Variants in FHAD1 observed in about 807,000 individuals in gnomAD.
FHAD1 encodes the protein forkhead associated phosphopeptide binding domain 1, also known as forkhead-associated domain-containing protein 1.
A neutral mutation model predicts 191.3 loss-of-function variants in FHAD1; 146 were observed. That is an observed-to-expected ratio of 0.76 (90% CI 0.67 to 0.88). The LOEUF is 0.88. Among genes scored for constraint, FHAD1 ranks in the 40% least tolerant of loss-of-function variants. The pLI is 0.00. For missense variants in FHAD1, 1,635 were observed against 1,785.8 expected (o/e 0.92, Z 1.52); for synonymous variants, 616 against 672.3 (o/e 0.92, Z 1.29).
chr1:15,390,996 G>A (rs1325725091), intron 32 of FHAD1, among the ~76,000 whole-genome samples: 1 of 152,074 alleles, frequency 6.6e-6, no homozygotes, highest in African/African-American at 2.4e-5. Flanking sequence ...AGCAAGATGG[G>A]GCACTGTGGC....
chr1:15,378,652 C>G (rs1186966517), intron 28 of FHAD1, among the ~76,000 whole-genome samples: 1 of 152,250 alleles, frequency 6.6e-6, no homozygotes, highest in Non-Finnish European at 1.5e-5. Flanking sequence ...ATTCTCATCT[C>G]ATAGATAGAT....
chr1:15,368,601 T>C (rs1570338942), intron 25 of FHAD1, among the ~76,000 whole-genome samples: 1 of 152,164 alleles, frequency 6.6e-6, no homozygotes, highest in Non-Finnish European at 1.5e-5. Flanking sequence ...CAGATTCACA[T>C]AGTGGCTAAA....
At chr1:15,268,166 C>A (rs1654383419) in intron 2 of FHAD1, among the ~76,000 whole-genome samples, 1 of 128,428 alleles carries the variant, frequency 7.8e-6, no homozygotes, top group African/African-American at 2.9e-5. Context: ...CCACAACAGT[C>A]CCCAGAGTGT....
At chr1:15,266,750 G>GC (rs1426892366) in intron 2 of FHAD1, among the ~76,000 whole-genome samples, 1 of 152,004 alleles carries the variant, frequency 6.6e-6, no homozygotes, top group African/African-American at 2.4e-5. Context: ...GTTCAACACA[G>GC]CCCCCCACCT....
Position 15,301,404 on chromosome 1 carries a change from A to T in FHAD1, c.878A>T (p.Asp293Val), listed in dbSNP as rs768170370. 1.2e-5 allele frequency: 18 copies of T among 1,551,702 alleles called. No individual in the cohort carries two copies. The South Asian group carries it at 2.1e-4, about 18-fold the overall frequency. The change falls in exon 6 of 34, where the codon GAT becomes GTT. Residue 293 changes from aspartate to valine, a missense_variant. Physicochemically the swap from Asp to Val is radical, Grantham distance 152 (BLOSUM62 -3). Transcript: ENST00000688493. ...TGTCAGGTTCTGGATGAAGACATCG[A>T]TGCCAAACAGAAAGAGATCCAGAGC... ...QKCQVLDEDIDAKQKEIQSLK... is the reference protein window; with the variant it reads ...QKCQVLDEDIVAKQKEIQSLK...
chr1:15,283,580 T>G (rs1661331990), intron 3 of FHAD1, among the ~76,000 whole-genome samples: 1 of 152,256 alleles, frequency 6.6e-6, no homozygotes. Context: ...GCTGTGTTTA[T>G]CAGCCAGCTC....
intron 28 of FHAD1, among the ~76,000 whole-genome samples, chr1:15,376,681 C>T (rs1558273386): frequency 6.6e-6 from 1 of 152,228 alleles, no homozygotes; most frequent in South Asian, 2.1e-4. Context: ...TTCTGGAAAG[C>T]GCTTAGCCTA....
At chr1:15,286,319 A>G (rs1048418975) in intron 3 of FHAD1, among the ~76,000 whole-genome samples, 2 of 152,180 alleles carry the variant, frequency 1.3e-5, no homozygotes, top group African/African-American at 4.8e-5. Context: ...CCTGCACAAC[A>G]TGGCAAAACC....
rs920462326 is a variant in FHAD1 at position 15,289,741 on chromosome 1, T to A, written c.568+75T>A. The stretch of plus-strand genomic sequence containing the variant: ...TGGATGGGTCTTGGTTTTGGTTTAC[T>A]TTCTGATTCTAAAAGTAGAACATAT... On this transcript the variant is annotated intron_variant, in intron 4 of 33. Transcript: ENST00000688493. The surrounding 1 kb of genome is among the most constrained non-coding windows in gnomAD (Gnocchi z 4.2). 3 of 1,453,988 alleles carry A rather than the reference T, an allele frequency of 2.1e-6. No homozygotes were observed. Among genetic ancestry groups the A allele is most frequent in the Non-Finnish European group, 2.7e-6 (3 of 1,098,770 alleles). The allele number at this position is 1,453,988 out of a possible 1,614,324, so 90.1% of individuals were successfully genotyped here.
chr1:15,377,471 C>T (rs1699934498), intron 28 of FHAD1, among the ~76,000 whole-genome samples: 1 of 152,210 alleles, frequency 6.6e-6, no homozygotes, highest in Non-Finnish European at 1.5e-5. Context: ...ACCACAGACA[C>T]CATGCAGCAG....
intron 1 of FHAD1, among the ~76,000 whole-genome samples, chr1:15,248,061 T>TA (rs1646307411): frequency 2.0e-5 from 3 of 152,008 alleles, no homozygotes; most frequent in Admixed American, 2.0e-4. Context: ...CTTTTTTTTT[T>TA]TTTTCCAGAA....
At chr1:15,283,799 A>G (rs1661410695) in intron 3 of FHAD1, among the ~76,000 whole-genome samples, 1 of 152,178 alleles carries the variant, frequency 6.6e-6, no homozygotes, top group South Asian at 2.1e-4. Context: ...TCCACACATC[A>G]ATCCTGTCCA....
chr1:15,360,385 A>C, intron 21 of FHAD1, 93 bp from the exon 22 acceptor site: 1 of 1,134,562 alleles, frequency 8.8e-7, no homozygotes, highest in Non-Finnish European at 1.3e-6. Context: ...GGTGGGGCCC[A>C]GTTTAGCACC....
In FHAD1 at chr1:15,318,628, C is replaced by T. The variant is rs1304550887; in HGVS notation, c.1365+700C>T. Among the ~76,000 whole-genome samples, 2 of 151,048 alleles carry T rather than the reference C, an allele frequency of 1.3e-5. No individual in the cohort carries two copies. The highest frequency in any genetic ancestry group is 4.9e-5 in the African/African-American group (2 of 41,000). On this transcript the variant is annotated intron_variant, in intron 10 of 33. Coordinates refer to ENST00000688493, the MANE Select transcript of FHAD1 (RefSeq NM_001391957.1). The surrounding 1 kb of genome is among the most constrained non-coding windows in gnomAD (Gnocchi z 4.1). ...CAGCCTGGGCGACAGAGCAAGACTC[C>T]GTCTCAAAAAAAAAAAAATTTAATT...
chr1:15,299,218 G>A (rs57599404), intron 5 of FHAD1, among the ~76,000 whole-genome samples: 34 of 109,054 alleles, frequency 3.1e-4, no homozygotes, highest in South Asian at 7.8e-4. Flanking sequence ...AAAAAAAAAA[G>A]GAAAAAAAAA....
chr1:15,381,845 G>A lies in FHAD1; in HGVS notation c.4023-183G>A, dbSNP rs749510486. ...TTATCCCCTCCCGCTACACACATTCGGCTGATGAATGGCTCGTTCTGCTCT... is the reference window on the plus strand; with the variant it reads ...TTATCCCCTCCCGCTACACACATTCAGCTGATGAATGGCTCGTTCTGCTCT... On this transcript the variant is annotated intron_variant, in intron 30 of 33. Coordinates refer to ENST00000688493, the MANE Select transcript of FHAD1 (RefSeq NM_001391957.1). The surrounding 1 kb of genome is among the most constrained non-coding windows in gnomAD (Gnocchi z 4.6). Among the ~76,000 whole-genome samples, 5 of 151,582 alleles carry A rather than the reference G, an allele frequency of 3.3e-5. No individual in the cohort carries two copies. Among genetic ancestry groups the A allele is most frequent in the African/African-American group, 4.8e-5 (2 of 41,244 alleles).
intron 20 of FHAD1, among the ~76,000 whole-genome samples, chr1:15,353,711 AAAAAAAAAAAAAAAAGAAAAG>A (rs1358397774): frequency 1.4e-5 from 2 of 148,062 alleles, no homozygotes; most frequent in Non-Finnish European, 3.0e-5. Flanking sequence ...TCTCAAAAAA[AAAAAAAAAAAAAAAAGAAAAG>A]AAAAAAAAAA....
upstream of FHAD1, among the ~76,000 whole-genome samples, chr1:15,244,600 T>C (rs889827883): frequency 6.6e-6 from 1 of 152,090 alleles, no homozygotes; most frequent in African/African-American, 2.4e-5. The surrounding 1 kb of genome is among the most constrained non-coding windows in gnomAD (Gnocchi z 5.1). Context: ...AGCCCAGCAG[T>C]CCTCAGAGGA....
chr1:15,363,209 T>G (rs1695374863), intron 23 of FHAD1, among the ~76,000 whole-genome samples: 1 of 152,230 alleles, frequency 6.6e-6, no homozygotes, highest in East Asian at 1.9e-4. Context: ...ATCCAGGGGC[T>G]GAGCGTGCTA....
Sources: gnomAD v4.1 joint callset for allele counts (sites outside exome capture counted in the v4.1 genomes callset) on GRCh38, gnomAD v4.1.1 for gene constraint, Gnocchi (gnomAD v3.1) non-coding constraint, MANE v1.5 for transcripts, NCBI Gene and HGNC (gene_info 2026-07-23, HGNC 2026-07-21) for gene names.